Variants in PCDH15 observed in about 807,000 individuals in gnomAD.
The protein encoded by PCDH15 is protocadherin-15.
In PCDH15, 129 loss-of-function variants were observed where a neutral mutation model predicts 178.5. The observed-to-expected ratio is 0.72, with a 90% CI of 0.63 to 0.84. The LOEUF (loss-of-function observed/expected upper bound fraction) is 0.84. Ranked by LOEUF, PCDH15 falls within the 40% of genes least tolerant of loss-of-function variation. PCDH15 has a pLI of 0.00. For synonymous variants in PCDH15, 800 were observed against 732.0 expected (o/e 1.09, Z -1.50); for missense variants, 2,230 against 2,099.9 (o/e 1.06, Z -1.21).
intron 1 of PCDH15, among the ~76,000 whole-genome samples, chr10:55,198,990 T>A (rs1183278641): frequency 6.6e-6 from 1 of 152,064 alleles, no homozygotes; most frequent in East Asian, 1.9e-4. Flanking sequence ...TCTCAGGTAG[T>A]TATTTATAGC....
intron 1 of PCDH15, among the ~76,000 whole-genome samples, chr10:55,274,666 T>C (rs1842538940): frequency 6.6e-6 from 1 of 151,990 alleles, no homozygotes; most frequent in South Asian, 2.1e-4. Context: ...AAAGCAGTGG[T>C]CCCCAACCTT....
At chr10:54,393,302 T>C (rs1950780101) in intron 3 of PCDH15, among the ~76,000 whole-genome samples, 1 of 152,198 alleles carries the variant, frequency 6.6e-6, no homozygotes, top group Non-Finnish European at 1.5e-5. Context: ...ATGATTATCA[T>C]CTGAACTACT....
At chr10:54,240,197 A>C (rs2055089114) in intron 8 of PCDH15, among the ~76,000 whole-genome samples, 1 of 152,116 alleles carries the variant, frequency 6.6e-6, no homozygotes, top group Non-Finnish European at 1.5e-5. Flanking sequence ...GGTTCCTTAG[A>C]ATAAGTGAGA....
At chr10:54,346,997 CCTT>C (rs759073942) in intron 5 of PCDH15, among the ~76,000 whole-genome samples, 18 of 152,086 alleles carry the variant, frequency 1.2e-4, no homozygotes, top group Admixed American at 2.0e-4. Context: ...TTTCTTGAGT[CCTT>C]CTGATATTGG....
intron 3 of PCDH15, among the ~76,000 whole-genome samples, chr10:54,883,293 C>CA (rs1265423330): frequency 6.6e-6 from 1 of 151,844 alleles, no homozygotes; most frequent in Admixed American, 6.6e-5. Flanking sequence ...ATATTACCTC[C>CA]AAAAAAAGTA....
At chr10:55,128,782 C>A (rs1837967664) in intron 2 of PCDH15, among the ~76,000 whole-genome samples, 1 of 152,050 alleles carries the variant, frequency 6.6e-6, no homozygotes, top group Non-Finnish European at 1.5e-5. Context: ...TTGATGAGAG[C>A]TGTGAAGGCA....
At chr10:54,579,447 T>C (rs1335463128) in intron 2 of PCDH15, among the ~76,000 whole-genome samples, 1 of 152,118 alleles carries the variant, frequency 6.6e-6, no homozygotes, top group East Asian at 1.9e-4. Context: ...TTAACTATCT[T>C]AAATATGCAC....
intron 2 of PCDH15, among the ~76,000 whole-genome samples, chr10:55,383,873 G>T (rs1041492522): frequency 6.6e-6 from 1 of 152,068 alleles, no homozygotes; most frequent in African/African-American, 2.4e-5. Context: ...ACTAACTGGG[G>T]AATTGTAGAG....
chr10:54,038,562 A>G (rs2093470331), intron 18 of PCDH15, among the ~76,000 whole-genome samples: 2 of 151,960 alleles, frequency 1.3e-5, no homozygotes, highest in Admixed American at 1.3e-4. Context: ...CCAGCATTTT[A>G]CACTCAGGCA....
intron 28 of PCDH15, among the ~76,000 whole-genome samples, chr10:53,850,613 T>G (rs2078293621): frequency 6.6e-6 from 1 of 152,102 alleles, no homozygotes; most frequent in Non-Finnish European, 1.5e-5. Flanking sequence ...AATGGTAGGA[T>G]TTATTATTAT....
chr10:55,032,760 A>G (rs1379473568), intron 2 of PCDH15, among the ~76,000 whole-genome samples: 1 of 152,084 alleles, frequency 6.6e-6, no homozygotes, highest in African/African-American at 2.4e-5. Flanking sequence ...CTCTGAAGAC[A>G]TTTCAGGGTT....
intron 8 of PCDH15, among the ~76,000 whole-genome samples, chr10:54,269,132 G>T (rs2057889316): frequency 6.6e-6 from 1 of 151,848 alleles, no homozygotes; most frequent in Non-Finnish European, 1.5e-5. Context: ...GAATATATAT[G>T]AAACATATTC....
At chr10:55,367,515 A>G (rs1845396439) in intron 2 of PCDH15, among the ~76,000 whole-genome samples, 2 of 152,112 alleles carry the variant, frequency 1.3e-5, no homozygotes, top group Non-Finnish European at 2.9e-5. Flanking sequence ...CAGAAAGTCA[A>G]GACTGAAGTG....
intron 1 of PCDH15, among the ~76,000 whole-genome samples, chr10:55,222,710 T>TACACAC (rs374141989): frequency 0.023 from 977 of 41,924 alleles, 28 homozygotes; most frequent in East Asian, 0.077. Flanking sequence ...TATATCTTTA[T>TACACAC]ACACACACAC....
upstream of PCDH15, among the ~76,000 whole-genome samples, chr10:54,804,299 A>G (rs2133720451): frequency 1.3e-5 from 2 of 152,314 alleles, no homozygotes; most frequent in East Asian, 1.9e-4. Context: ...TCGGCCTCCC[A>G]AAGTGCTGGG....
intron 1 of PCDH15, among the ~76,000 whole-genome samples, chr10:55,307,890 TAAC>T (rs1843472937): frequency 2.0e-5 from 3 of 152,208 alleles, no homozygotes; most frequent in African/African-American, 4.8e-5. Flanking sequence ...CAATTATTAC[TAAC>T]GAGAGAGAAA....
rs1444023789 is a variant in PCDH15 at position 54,369,183 on chromosome 10, C to T, written c.411G>A (p.Val137=). 6.2e-7 allele frequency: 1 copy of T among 1,613,040 alleles called. No homozygotes were observed. The stretch of plus-strand genomic sequence containing the variant: ...TGGGTGAGTTGTCATTCCTGTCTCT[C>T]ACCACTATTCGCACTTCATGGTAGA... ...TIIYHEVRIV[V]RDRNDNSPTF... is the part of the protein sequence containing the mutation. Residue 137 remains valine (V), a synonymous_variant, in exon 5 of 38, where the codon GTG becomes GTA. Coordinates refer to ENST00000644397, the MANE Select transcript of PCDH15 (RefSeq NM_001384140.1).
intron 25 of PCDH15, among the ~76,000 whole-genome samples, chr10:53,914,156 A>G (rs1186218455): frequency 6.6e-6 from 1 of 152,186 alleles, no homozygotes; most frequent in Non-Finnish European, 1.5e-5. Flanking sequence ...ATGCTTTTAC[A>G]CTGTTGGTGG....
intron 2 of PCDH15, among the ~76,000 whole-genome samples, chr10:55,060,423 A>G (rs1476815518): frequency 6.6e-6 from 1 of 152,112 alleles, no homozygotes; most frequent in Admixed American, 6.5e-5. Flanking sequence ...GCAATGCCTT[A>G]GTTTCCACAT....
Sources: gnomAD v4.1 joint callset for allele counts (sites outside exome capture counted in the v4.1 genomes callset) on GRCh38, gnomAD v4.1.1 for gene constraint, MANE v1.5 for transcripts, NCBI Gene and HGNC (gene_info 2026-07-23, HGNC 2026-07-21) for gene names.